SLC30A8: variants seen among roughly 807,000 people sequenced by gnomAD.
SLC30A8 encodes proton-coupled zinc antiporter SLC30A8.
A neutral mutation model predicts 36.9 loss-of-function variants in SLC30A8; 27 were observed. The observed-to-expected ratio is 0.73, with a 90% confidence interval of 0.54 to 1.01. SLC30A8 has a LOEUF of 1.01. SLC30A8 is among the 50% of genes least tolerant of loss of function. SLC30A8 has a pLI of 0.00. For synonymous variants in SLC30A8, 164 were observed against 172.4 expected (o/e 0.95, Z 0.38); for missense variants, 439 against 452.0 (o/e 0.97, Z 0.26).
Position 117,147,103 on chromosome 8 carries a change from T to G in SLC30A8, c.221T>G (p.Leu74Arg), listed in dbSNP as rs140404252. The change falls in exon 2 of 8, where the codon CTC (leucine) becomes CGC (arginine). Residue 74 changes from leucine (L) to arginine (R), a missense_variant. Coordinates refer to ENST00000456015, the MANE Select transcript of SLC30A8 (RefSeq NM_173851.3). ...ANEYAYAKWKLCSASAICFIF... is the reference protein window; with the variant it reads ...ANEYAYAKWKRCSASAICFIF... ...GAGTACGCCTATGCCAAGTGGAAAC[T>G]CTGTTCTGCTTCAGCAATATGCTTC... 4.3e-6 allele frequency: 7 copies of G among 1,613,972 alleles called. No individual in the cohort carries two copies. The African/African-American group carries it at 9.3e-5, about 22-fold the overall frequency.
chr8:117,143,399 C>T (rs1479916080), intron 1 of SLC30A8, among the ~76,000 whole-genome samples: 2 of 152,004 alleles, frequency 1.3e-5, no homozygotes, highest in Non-Finnish European at 2.9e-5. Flanking sequence ...TGGGAATCTT[C>T]CAGGATTTAT....
chr8:117,153,569 A>G (rs1329927824), intron 3 of SLC30A8, among the ~76,000 whole-genome samples: 1 of 152,224 alleles, frequency 6.6e-6, no homozygotes, highest in Non-Finnish European at 1.5e-5. Context: ...GGTCCAATTG[A>G]ATATCTTGCT....
chr8:117,051,286 G>C (rs1268359545), intron 2 of SLC30A8, among the ~76,000 whole-genome samples: 2 of 152,198 alleles, frequency 1.3e-5, no homozygotes, highest in African/African-American at 2.4e-5. Context: ...TTATCACAAT[G>C]ATGAGGAAGC....
At chr8:116,963,624 A>G (rs958297021) in intron 1 of SLC30A8, among the ~76,000 whole-genome samples, 4 of 152,190 alleles carry the variant, frequency 2.6e-5, no homozygotes, top group African/African-American at 4.8e-5. Flanking sequence ...ACTTTATTGT[A>G]TGGATATCCC....
chr8:117,048,128 A>G (rs956343203), intron 2 of SLC30A8, among the ~76,000 whole-genome samples: 8 of 152,174 alleles, frequency 5.3e-5, no homozygotes, highest in African/African-American at 1.2e-4. Flanking sequence ...ACTTTACTCT[A>G]CAGACTTGCC....
chr8:117,082,126 A>G (rs999453266), intron 2 of SLC30A8, among the ~76,000 whole-genome samples: 13 of 152,234 alleles, frequency 8.5e-5, no homozygotes, highest in Admixed American at 4.6e-4. Context: ...AGATAGAAAC[A>G]TATAGTTATA....
At chr8:117,043,862 G>A (rs1817464422) in intron 2 of SLC30A8, among the ~76,000 whole-genome samples, 1 of 152,184 alleles carries the variant, frequency 6.6e-6, no homozygotes, top group African/African-American at 2.4e-5. Flanking sequence ...AAAAATTTCA[G>A]TATGTTTTTT....
rs546677727 is a variant in SLC30A8, at chr8:117,166,675, C to T, written c.829+3145C>T. On this transcript the variant is annotated intron_variant, in intron 6 of 7. Coordinates refer to ENST00000456015, the MANE Select transcript of SLC30A8 (RefSeq NM_173851.3). ...CACTGAAGGGATTCCCACATGCTGG[C>T]CCTGGGAATGGCACCTGTAAAATTC... Among the ~76,000 whole-genome samples the T allele has an allele frequency of 1.1e-4, 17 of 152,204 alleles. No individual in the cohort carries two copies. In the South Asian group the frequency reaches 3.1e-3, roughly 28 times the overall value.
chr8:117,166,493 TA>T (rs1247961599), intron 6 of SLC30A8, among the ~76,000 whole-genome samples: 1 of 152,160 alleles, frequency 6.6e-6, no homozygotes, highest in Non-Finnish European at 1.5e-5. Flanking sequence ...GTGGAGGGTT[TA>T]TTGAAACACA....
intron 1 of SLC30A8, among the ~76,000 whole-genome samples, chr8:116,970,691 T>C (rs1814762993): frequency 1.3e-5 from 2 of 152,228 alleles, no homozygotes; most frequent in Admixed American, 1.3e-4. Flanking sequence ...CGTCATTATG[T>C]GGCTCATATC....
In SLC30A8 at chr8:117,175,754, G is replaced by C. The variant is rs1481217643; in HGVS notation, c.*3073G>C. On this transcript the variant is annotated 3_prime_UTR_variant, in exon 8 of 8. Coordinates refer to ENST00000456015, the MANE Select transcript of SLC30A8 (RefSeq NM_173851.3). The stretch of plus-strand genomic sequence containing the variant: ...ATCATCTCAACTTTTGAGAAATTTT[G>C]AGTTATCAACACCGTTCCCACAAGA... The C allele has an allele frequency of 6.6e-6, 1 of 152,076 alleles. No homozygotes were observed. Among genetic ancestry groups the C allele is most frequent in the African/African-American group, 2.4e-5 (1 of 41,440 alleles). The allele number at this position is 152,076 out of a possible 1,614,324, so 9.4% of individuals were successfully genotyped here. A position where few individuals can be genotyped will look rare whatever the true frequency, so the allele number is the denominator to read the frequency against.
chr8:116,989,140 A>C (rs1815545906), intron 1 of SLC30A8, among the ~76,000 whole-genome samples: 1 of 152,208 alleles, frequency 6.6e-6, no homozygotes, highest in Non-Finnish European at 1.5e-5. Flanking sequence ...GAGGTGAATA[A>C]AGATGCTGGC....
At chr8:116,961,286 G>A (rs940681081) in intron 1 of SLC30A8, among the ~76,000 whole-genome samples, 9 of 152,114 alleles carry the variant, frequency 5.9e-5, no homozygotes, top group Non-Finnish European at 7.4e-5. Context: ...AAAATTAGCC[G>A]GGCGTGGTGG....
intron 4 of SLC30A8, 78 bp from the exon 5 acceptor site, chr8:117,161,660 T>C (rs1482053665): frequency 5.7e-6 from 8 of 1,401,638 alleles, no homozygotes; most frequent in South Asian, 1.4e-5. Flanking sequence ...ATGCATGTTA[T>C]TGCCAGCTTC....
chr8:117,085,383 A>G (rs1818835266), intron 2 of SLC30A8, among the ~76,000 whole-genome samples: 1 of 152,182 alleles, frequency 6.6e-6, no homozygotes, highest in Non-Finnish European at 1.5e-5. Flanking sequence ...TCTATAATGA[A>G]TAAAAATTGT....
intron 1 of SLC30A8, among the ~76,000 whole-genome samples, chr8:117,022,625 G>T (rs1445078936): frequency 6.6e-6 from 1 of 152,170 alleles, no homozygotes; most frequent in Non-Finnish European, 1.5e-5. Flanking sequence ...AAGAAATGGG[G>T]AAATGATTCC....
intron 1 of SLC30A8, among the ~76,000 whole-genome samples, chr8:116,979,574 A>G (rs1034323190): frequency 6.6e-6 from 1 of 152,120 alleles, no homozygotes; most frequent in African/African-American, 2.4e-5. Flanking sequence ...AAGTCTTGAA[A>G]ATTTCTGGAC....
intron 4 of SLC30A8, among the ~76,000 whole-genome samples, chr8:117,161,418 GGA>G (rs1362407208): frequency 6.6e-6 from 1 of 152,062 alleles, no homozygotes; most frequent in East Asian, 1.9e-4. Context: ...CTTCAATAAA[GGA>G]GATTTCCTCC....
intron 1 of SLC30A8, among the ~76,000 whole-genome samples, chr8:117,008,069 C>T (rs1205918469): frequency 6.6e-6 from 1 of 152,072 alleles, no homozygotes; most frequent in Non-Finnish European, 1.5e-5. Context: ...AGTGGCAAAA[C>T]CCATATTCTT....
Sources: allele counts gnomAD v4.1 joint callset (sites outside exome capture counted in the v4.1 genomes callset), GRCh38; gene constraint gnomAD v4.1.1; transcripts MANE v1.5; gene names NCBI Gene and HGNC (gene_info 2026-07-23, HGNC 2026-07-21).